ECT2L: variants seen among roughly 807,000 people sequenced by gnomAD.
ECT2L encodes the protein epithelial cell-transforming sequence 2 oncogene-like.
ECT2L carries 126 observed loss-of-function variants against 122.8 expected under a neutral mutation model. The ratio of observed to expected loss-of-function variants is 1.03; its 90% CI spans 0.89 to 1.19. The LOEUF (loss-of-function observed/expected upper bound fraction) is 1.19. ECT2L is among the 50% of genes most tolerant of loss of function. The pLI is 0.00. For synonymous variants in ECT2L, 385 were observed against 381.8 expected (o/e 1.01, Z -0.10); for missense variants, 1,012 against 1,064.1 (o/e 0.95, Z 0.68).
At chr6:138,880,077 C>G (rs1476796106) in intron 14 of ECT2L, among the ~76,000 whole-genome samples, 2 of 152,216 alleles carry the variant, frequency 1.3e-5, no homozygotes, top group Non-Finnish European at 2.9e-5. Context: ...ATCCTTCATA[C>G]TGAAGTTAGA....
intron 4 of ECT2L, among the ~76,000 whole-genome samples, chr6:138,816,790 A>G (rs1438600441): frequency 6.6e-6 from 1 of 152,210 alleles, no homozygotes; most frequent in East Asian, 1.9e-4. Context: ...CGGCCTAAAC[A>G]TCTTTATTGA....
intron 4 of ECT2L, among the ~76,000 whole-genome samples, chr6:138,826,570 G>C (rs1356102431): frequency 6.6e-6 from 1 of 151,992 alleles, no homozygotes; most frequent in Non-Finnish European, 1.5e-5. Flanking sequence ...GGGAGGCTGA[G>C]GCAGGAGAAC....
chr6:138,829,006 G>A (rs958564309), intron 4 of ECT2L, among the ~76,000 whole-genome samples: 54 of 148,936 alleles, frequency 3.6e-4, no homozygotes, highest in East Asian at 3.4e-3. Context: ...AGGCTAAGGC[G>A]CTGGCTAAGT....
chr6:138,866,694 C>T (rs1778052194), intron 12 of ECT2L, among the ~76,000 whole-genome samples: 1 of 152,152 alleles, frequency 6.6e-6, no homozygotes, highest in African/African-American at 2.4e-5. Flanking sequence ...TTTTAAATAA[C>T]TGCATGGTGT....
chr6:138,797,423 C>T (rs771435304), intron 1 of ECT2L, among the ~76,000 whole-genome samples: 2 of 152,046 alleles, frequency 1.3e-5, no homozygotes, highest in Non-Finnish European at 2.9e-5. Flanking sequence ...ATACCTCTGC[C>T]GAGGAGCAGT....
intron 13 of ECT2L, among the ~76,000 whole-genome samples, chr6:138,873,551 T>C (rs1778326958): frequency 6.6e-6 from 1 of 152,206 alleles, no homozygotes. Context: ...CCCGGCACTT[T>C]GGGAGGCCGA....
chr6:138,851,695 T>C lies in ECT2L; in HGVS notation c.1069+2261T>C, dbSNP rs190947812. ...TTTGATTTTTTTCACTGTTGAGTTA[T>C]AGTTCATATATTCTAAATACTATTC... On this transcript the variant is annotated intron_variant, in intron 9 of 21. Transcript: ENST00000541398. Among the ~76,000 whole-genome samples, 305 of 152,254 alleles carry C rather than the reference T, an allele frequency of 2.0e-3. 5 individuals are homozygous for C. The highest frequency in any genetic ancestry group is 0.015 in the Admixed American group (224 of 15,294).
intron 4 of ECT2L, chr6:138,823,449 A>C: frequency 6.2e-7 from 1 of 1,607,232 alleles, no homozygotes; most frequent in Non-Finnish European, 8.5e-7. Context: ...AAACATTAAA[A>C]TATCTCGACC....
chr6:138,855,900 G>A (rs1777594183), intron 10 of ECT2L, among the ~76,000 whole-genome samples: 2 of 152,196 alleles, frequency 1.3e-5, no homozygotes, highest in South Asian at 2.1e-4. Context: ...GTATTGAAAG[G>A]CAGAGTAAGA....
intron 1 of ECT2L, among the ~76,000 whole-genome samples, chr6:138,811,292 G>C (rs185050916): frequency 5.3e-5 from 8 of 152,322 alleles, no homozygotes; most frequent in African/African-American, 1.9e-4. Context: ...GTCCAACAGA[G>C]CATGAGGAAT....
intron 4 of ECT2L, among the ~76,000 whole-genome samples, chr6:138,821,026 C>T (rs796425513): frequency 1.2e-4 from 19 of 152,348 alleles, no homozygotes; most frequent in African/African-American, 4.6e-4. Flanking sequence ...ATCTGGTGTA[C>T]AGCCAAGGGT....
chr6:138,799,580 T>A (rs1775469299), intron 1 of ECT2L, among the ~76,000 whole-genome samples: 1 of 151,546 alleles, frequency 6.6e-6, no homozygotes, highest in Admixed American at 6.6e-5. Flanking sequence ...TGAGTCAGGG[T>A]CTCACTGTAT....
chr6:138,898,230 A>C (rs747079713), intron 20 of ECT2L, among the ~76,000 whole-genome samples: 5 of 152,108 alleles, frequency 3.3e-5, no homozygotes, highest in Non-Finnish European at 7.3e-5. Context: ...TCATTCCTTT[A>C]TTCTCAGAAT....
chr6:138,832,551 A>G (rs1208527466), intron 4 of ECT2L, among the ~76,000 whole-genome samples: 1 of 152,142 alleles, frequency 6.6e-6, no homozygotes, highest in East Asian at 1.9e-4. Flanking sequence ...AGCCCATGCA[A>G]GGTACAGGCC....
At chr6:138,875,945 ACC>A (rs1778434301) in intron 13 of ECT2L, among the ~76,000 whole-genome samples, 1 of 152,062 alleles carries the variant, frequency 6.6e-6, no homozygotes, top group Non-Finnish European at 1.5e-5. Context: ...ACATGGTGAA[ACC>A]CCATCTCTAC....
At chr6:138,805,537 C>T (rs908475739) in intron 1 of ECT2L, among the ~76,000 whole-genome samples, 1 of 152,148 alleles carries the variant, frequency 6.6e-6, no homozygotes, top group African/African-American at 2.4e-5. Context: ...CTGGCCTCAG[C>T]TGGGCAGTTC....
At chr6:138,875,212 G>A (rs1582644941) in intron 13 of ECT2L, among the ~76,000 whole-genome samples, 1 of 152,358 alleles carries the variant, frequency 6.6e-6, no homozygotes, top group East Asian at 1.9e-4. Flanking sequence ...ACTCCCTGGA[G>A]CAGACAGGAA....
intron 10 of ECT2L, among the ~76,000 whole-genome samples, chr6:138,860,754 G>C (rs892271981): frequency 2.1e-5 from 3 of 145,042 alleles, no homozygotes; most frequent in Admixed American, 1.4e-4. Flanking sequence ...TACAAGTGCA[G>C]TGTGTGTAGC....
chr6:138,854,797 C>A (rs567166808), intron 10 of ECT2L, among the ~76,000 whole-genome samples: 2 of 152,132 alleles, frequency 1.3e-5, no homozygotes, highest in Non-Finnish European at 2.9e-5. Context: ...TAAGTGGCTG[C>A]CTGTCTAGAA....
Sources: allele counts gnomAD v4.1 joint callset (sites outside exome capture counted in the v4.1 genomes callset), GRCh38; gene constraint gnomAD v4.1.1; transcripts MANE v1.5; gene names NCBI Gene and HGNC (gene_info 2026-07-23, HGNC 2026-07-21).